AGGF1: variants seen among roughly 807,000 people sequenced by gnomAD.
AGGF1 encodes the protein angiogenic factor with G-patch and FHA domains 1, also known as angiogenic factor with G patch and FHA domains 1.
A neutral mutation model predicts 86.5 loss-of-function variants in AGGF1; 56 were observed. The ratio of observed to expected loss-of-function variants is 0.65; its 90% CI spans 0.52 to 0.81. The LOEUF (loss-of-function observed/expected upper bound fraction) is 0.81. Among genes scored for constraint, AGGF1 ranks in the 30% least tolerant of loss-of-function variants. The pLI, the probability that AGGF1 is intolerant of heterozygous loss-of-function variation, is 0.00. For synonymous variants in AGGF1, 313 were observed against 297.1 expected, an observed-to-expected ratio of 1.05 and a Z score of -0.55; for missense variants, 816 against 850.9, an observed-to-expected ratio of 0.96 and a Z score of 0.51.
rs1208340716 is a variant in AGGF1, at chr5:77,036,736, C to G, written c.681+16C>G. The stretch of plus-strand genomic sequence containing the variant: ...TTATGATTCTGTAAGTATCTCAGAC[C>G]TTTTTGTTTTGTTTTGTTTTTGAGA... On this transcript the variant is annotated intron_variant, in intron 4 of 13. Transcript: ENST00000312916. 3 of 1,611,346 alleles carry G rather than the reference C, an allele frequency of 1.9e-6. No individual in the cohort carries two copies. The highest frequency in any genetic ancestry group is 2.5e-6 in the Non-Finnish European group (3 of 1,179,506).
At chr5:77,052,560 A>G (rs1028854204) in intron 8 of AGGF1, 146 bp from the exon 9 acceptor site, 17 of 599,236 alleles carry the variant, frequency 2.8e-5, no homozygotes, top group East Asian at 5.7e-5. Flanking sequence ...CCAGAAGCAT[A>G]TAATAGTTTG....
chr5:77,039,773 A>G, intron 5 of AGGF1, 54 bp downstream of exon 5: 3 of 1,502,690 alleles, frequency 2.0e-6, no homozygotes, highest in South Asian at 2.4e-5. Context: ...ATGATAATTA[A>G]GACAAAATTT....
At chr5:77,055,620 A>G in intron 11 of AGGF1, 24 bp downstream of exon 11, 1 of 1,502,356 alleles carries the variant, frequency 6.7e-7, no homozygotes, top group Non-Finnish European at 9.2e-7. Context: ...ATATTGTTTC[A>G]TTTGTTAAGC....
chr5:77,036,031 A>G lies in AGGF1; in HGVS notation c.516+288A>G, dbSNP rs181351535. ...TTGACTGAACAAAAGAACTGTGGAC[A>G]ACAATACCACATTTACACCTAAAAA... On this transcript the variant is annotated intron_variant, in intron 3 of 13. Coordinates refer to ENST00000312916, the MANE Select transcript of AGGF1 (RefSeq NM_018046.5). 8.3e-6 allele frequency: 3 copies of G among 360,046 alleles called. No individual in the cohort carries two copies. In the East Asian group the frequency reaches 1.9e-4, roughly 23 times the overall value. The allele number at this position is 360,046 out of a possible 1,614,324, so 22.3% of individuals were successfully genotyped here. A position where few individuals can be genotyped will look rare whatever the true frequency, so the allele number is the denominator to read the frequency against.
At position 77,063,110 on chromosome 5, in the gene AGGF1, T is replaced by C. The variant is rs1380431218; in HGVS notation, c.2003T>C (p.Phe668Ser). 1 of 1,613,874 alleles carries C rather than the reference T, an allele frequency of 6.2e-7. No homozygotes were observed. Among genetic ancestry groups the C allele is most frequent in the African/African-American group, 1.3e-5 (1 of 74,868 alleles). The change falls in exon 14 of 14, where the codon TTT becomes TCT. Residue 668 changes from phenylalanine (F) to serine (S), a missense_variant. Around this residue, in one of 3 missense-constraint regions of AGGF1, gnomAD observed 565 missense variants for 585.8 expected, o/e 0.96. Transcript: ENST00000312916. ...AGLGTGKPSS[F>S]EDVHLLQNKN... Reference sequence around the variant, plus strand: ...TTGGGGACAGGCAAACCATCCTCATTTGAAGATGTTCACCTTCTCCAAAAC... The same window carrying C: ...TTGGGGACAGGCAAACCATCCTCATCTGAAGATGTTCACCTTCTCCAAAAC...
rs774682891 is a variant in AGGF1 at position 77,046,461 on chromosome 5, A to G, written c.985A>G (p.Ser329Gly). 2.4e-5 allele frequency: 39 copies of G among 1,613,980 alleles called. No homozygotes were observed. The highest frequency in any genetic ancestry group is 3.3e-5 in the Non-Finnish European group (39 of 1,179,990). ...KAKIGIHHKN[S>G]PPKVTVPTSG... The stretch of plus-strand genomic sequence containing the variant: ...CAAAATAGGCATTCATCACAAAAAT[A>G]GTCCCCCCAAAGTCACTGTTCCAAC... Residue 329 changes from serine (S) to glycine (G), a missense_variant, in exon 6 of 14, where the codon AGT becomes GGT. Ser to Gly is a moderately conservative substitution (Grantham distance 56). Transcript: ENST00000312916.
At chr5:77,046,317 G>C (rs375451281) in intron 5 of AGGF1, 30 bp from the exon 6 acceptor site, 1 of 1,555,938 alleles carries the variant, frequency 6.4e-7, no homozygotes, top group Non-Finnish European at 8.9e-7. Flanking sequence ...ATTCTCCCCT[G>C]TTCCCTCGTA....
chr5:77,042,774 A>C (rs1264841398), intron 5 of AGGF1, among the ~76,000 whole-genome samples: 2 of 25,396 alleles, frequency 7.9e-5, no homozygotes, highest in African/African-American at 2.2e-4. Flanking sequence ...GACCCCCCCC[A>C]CCTCCCTCCC....
At chr5:77,043,138 C>T (rs1747155324) in intron 5 of AGGF1, among the ~76,000 whole-genome samples, 1 of 55,120 alleles carries the variant, frequency 1.8e-5, no homozygotes, top group Non-Finnish European at 3.8e-5. Context: ...GGAGGGCTGA[C>T]CCCCCCACCT....
chr5:77,045,882 T>C (rs149954272), intron 5 of AGGF1, among the ~76,000 whole-genome samples: 87 of 152,384 alleles, frequency 5.7e-4, no homozygotes, highest in African/African-American at 2.0e-3. Context: ...TTGCAGACTA[T>C]GTAAACTATC....
chr5:77,064,687 C>G lies in AGGF1; in HGVS notation c.*1435C>G, dbSNP rs146226705. 1 of 152,172 alleles carries G rather than the reference C, an allele frequency of 6.6e-6. No homozygotes were observed. The highest frequency in any genetic ancestry group is 1.5e-5 in the Non-Finnish European group (1 of 68,036). 9.4% of individuals were successfully genotyped at this position (152,172 alleles called of 1,614,324 possible). ...ACATACGTATGTACAGTTAGACTTG[C>G]AGGCTGCAGGAGTGCCCTGCATTGT... On this transcript the variant is annotated 3_prime_UTR_variant, in exon 14 of 14. Coordinates refer to ENST00000312916, the MANE Select transcript of AGGF1 (RefSeq NM_018046.5).
chr5:77,059,397 G>C (rs940489408), intron 11 of AGGF1, among the ~76,000 whole-genome samples: 1 of 151,992 alleles, frequency 6.6e-6, no homozygotes, highest in Non-Finnish European at 1.5e-5. Context: ...GCTCACACTG[G>C]TCTCAAACTC....
intron 11 of AGGF1, among the ~76,000 whole-genome samples, chr5:77,055,833 G>A (rs1292372963): frequency 6.6e-6 from 1 of 152,158 alleles, no homozygotes; most frequent in African/African-American, 2.4e-5. Flanking sequence ...CTTGCATTAA[G>A]ATGCCTTGAC....
At chr5:77,058,967 C>T (rs1747503815) in intron 11 of AGGF1, among the ~76,000 whole-genome samples, 1 of 152,152 alleles carries the variant, frequency 6.6e-6, no homozygotes. Context: ...TAATAAGTCA[C>T]TTAAATGGAG....
At chr5:77,051,296 G>C (rs1747368733) in intron 8 of AGGF1, among the ~76,000 whole-genome samples, 1 of 152,002 alleles carries the variant, frequency 6.6e-6, no homozygotes, top group Non-Finnish European at 1.5e-5. Context: ...AGCCAGGTGT[G>C]GTGGCGGGTG....
At chr5:77,045,727 G>T (rs1042469753) in intron 5 of AGGF1, among the ~76,000 whole-genome samples, 3 of 152,160 alleles carry the variant, frequency 2.0e-5, no homozygotes, top group African/African-American at 7.2e-5. Flanking sequence ...TTGATTACCA[G>T]TTTAAAAAGA....
chr5:77,035,270 C>A (rs570404451), intron 2 of AGGF1, among the ~76,000 whole-genome samples: 102 of 152,008 alleles, frequency 6.7e-4, no homozygotes, highest in African/African-American at 2.4e-3. Flanking sequence ...TTATTTTACT[C>A]TTGCTGTAGA....
intron 9 of AGGF1, 101 bp from the exon 10 acceptor site, chr5:77,053,864 A>C: frequency 8.4e-7 from 1 of 1,191,662 alleles, no homozygotes; most frequent in South Asian, 1.3e-5. Flanking sequence ...AGCTATTTTA[A>C]ATATATTTTA....
At chr5:77,048,897 C>T (rs1419529891) in intron 7 of AGGF1, 39 bp from the exon 8 acceptor site, 5 of 1,584,644 alleles carry the variant, frequency 3.2e-6, no homozygotes, top group East Asian at 4.5e-5. Context: ...ATATAATATG[C>T]TTCAAAAATT....
Sources: gnomAD v4.1 joint callset for allele counts (sites outside exome capture counted in the v4.1 genomes callset) on GRCh38, gnomAD v4.1.1 for gene constraint, gnomAD v4.1.1 regional missense constraint, MANE v1.5 for transcripts, NCBI Gene and HGNC (gene_info 2026-07-23, HGNC 2026-07-21) for gene names.